Variants in VRK2 observed in about 807,000 individuals in gnomAD.
The protein encoded by VRK2 is VRK serine/threonine kinase 2.
Under a neutral mutation model 57.6 loss-of-function variants are expected in VRK2, and 60 were observed. The observed-to-expected ratio is 1.04, with a 90% CI of 0.85 to 1.29. VRK2 has a LOEUF of 1.29. Among genes scored for constraint, VRK2 ranks in the 50% most tolerant of loss-of-function variants. The pLI is 0.00. For synonymous variants in VRK2, 231 were observed against 199.2 expected (o/e 1.16, Z -1.35); for missense variants, 705 against 588.1 (o/e 1.20, Z -2.06).
intron 3 of VRK2, among the ~76,000 whole-genome samples, chr2:58,038,583 A>G (rs1674347548): frequency 6.6e-6 from 1 of 152,052 alleles, no homozygotes; most frequent in Admixed American, 6.6e-5. Context: ...AACTTACTAA[A>G]CAAGCCTTAT....
chr2:58,107,409 G>A (rs187106650), intron 7 of VRK2, among the ~76,000 whole-genome samples: 2 of 151,740 alleles, frequency 1.3e-5, no homozygotes, highest in African/African-American at 2.4e-5. Flanking sequence ...CTCTCTTTAC[G>A]CATGATATTT....
intron 2 of VRK2, among the ~76,000 whole-genome samples, chr2:58,070,529 G>A (rs10205421): frequency 0.71 from 108,207 of 152,028 alleles, 39,312 homozygotes; most frequent in African/African-American, 0.87. Context: ...TACTGTTTCT[G>A]TAGTTTTGCC....
rs936794733 is a variant in VRK2, at chr2:58,062,191, A to G, written c.136+13224A>G. Among the ~76,000 whole-genome samples the G allele has an allele frequency of 5.9e-5, 9 of 152,104 alleles. No homozygotes were observed. The East Asian group carries it at 1.5e-3, about 26-fold the overall frequency. On this transcript the variant is annotated intron_variant, in intron 2 of 12. Transcript: ENST00000340157. ...ATCAGTGATCTTTCTTGTGACTATC[A>G]TAATTGCTTTGAGGAATCATGAACT...
intron 2 of VRK2, among the ~76,000 whole-genome samples, chr2:58,032,144 T>C (rs1028843595): frequency 2.6e-5 from 4 of 152,090 alleles, no homozygotes; most frequent in Admixed American, 1.3e-4. Flanking sequence ...ATAGGAGTTG[T>C]TGTGGTTATG....
chr2:57,979,416 T>C (rs978831822), intron 1 of VRK2, among the ~76,000 whole-genome samples: 1 of 151,190 alleles, frequency 6.6e-6, no homozygotes, highest in Non-Finnish European at 1.5e-5. Flanking sequence ...ATTAGCTTTT[T>C]AATGTGTGCT....
In VRK2 at chr2:58,029,161, C is replaced by A. The variant is rs573609454; in HGVS notation, c.-333+3391C>A. ...CTATTTGATAAATTTCTTGAAAAGC[C>A]TAAAGAGTTCTATGAAAACTGATTA... On this transcript the variant is annotated intron_variant, in intron 2 of 15. Transcript: ENST00000417641. 1.2e-4 allele frequency among the ~76,000 whole-genome samples: 18 copies of A among 151,554 alleles called. No individual in the cohort carries two copies. The South Asian group carries it at 3.8e-3, about 32-fold the overall frequency.
intron 1 of VRK2, among the ~76,000 whole-genome samples, chr2:58,001,779 G>A (rs548737247): frequency 6.6e-6 from 1 of 152,064 alleles, no homozygotes; most frequent in Non-Finnish European, 1.5e-5. Flanking sequence ...CCGAGATCGC[G>A]CCACTGCACT....
chr2:57,914,821 T>C (rs1012204990), intron 1 of VRK2, among the ~76,000 whole-genome samples: 1 of 152,180 alleles, frequency 6.6e-6, no homozygotes, highest in Non-Finnish European at 1.5e-5. Context: ...TCATCCTTTA[T>C]GAATTTCATA....
intron 1 of VRK2, among the ~76,000 whole-genome samples, chr2:57,958,464 T>A (rs1284247251): frequency 0.015 from 2,225 of 151,574 alleles, 84 homozygotes; most frequent in African/African-American, 0.052. Flanking sequence ...TATATACATG[T>A]ATATATACAC....
At chr2:57,927,244 T>C (rs1360079251) in intron 1 of VRK2, among the ~76,000 whole-genome samples, 2 of 151,880 alleles carry the variant, frequency 1.3e-5, no homozygotes, top group Non-Finnish European at 2.9e-5. Context: ...GAAAAGTTGT[T>C]GTAGCTATTA....
chr2:58,007,424 G>A (rs530961420), intron 1 of VRK2, among the ~76,000 whole-genome samples: 1 of 151,660 alleles, frequency 6.6e-6, no homozygotes, highest in Admixed American at 6.6e-5. Flanking sequence ...TCCAGCCCGA[G>A]ACAGCAAGAA....
chr2:58,153,912 TTTCTG>T (rs1373661743), intron 12 of VRK2, among the ~76,000 whole-genome samples: 1 of 152,124 alleles, frequency 6.6e-6, no homozygotes, highest in Non-Finnish European at 1.5e-5. Context: ...TAGGCAAACT[TTTCTG>T]TAAAGAGCCA....
intron 8 of VRK2, 24 bp from the exon 9 acceptor site, chr2:58,131,784 T>C (rs1159912781): frequency 1.3e-6 from 2 of 1,566,096 alleles, no homozygotes; most frequent in East Asian, 4.5e-5. Flanking sequence ...CCCTTATCTT[T>C]CTCTCTAATG....
In VRK2 at chr2:58,008,962, A is replaced by G. The variant is rs565509023; in HGVS notation, c.-438-16703A>G. On this transcript the variant is annotated intron_variant, in intron 1 of 15. Coordinates refer to the VRK2 transcript ENST00000417641. ...TTGTTGCTGCATCCCACAGAGAAGG[A>G]GGAATGTGGTATACTCACAGGGAGA... Among the ~76,000 whole-genome samples, 13 of 152,124 alleles carry G rather than the reference A, an allele frequency of 8.5e-5. No individual in the cohort carries two copies. The South Asian group carries it at 2.5e-3, about 29-fold the overall frequency.
intron 8 of VRK2, among the ~76,000 whole-genome samples, chr2:58,128,205 C>T (rs771846391): frequency 6.6e-6 from 1 of 152,190 alleles, no homozygotes; most frequent in Non-Finnish European, 1.5e-5. Flanking sequence ...GCCAAAACAA[C>T]TATTTTTGTG....
At chr2:58,142,860 T>G (rs1323695176) in intron 11 of VRK2, among the ~76,000 whole-genome samples, 1 of 151,902 alleles carries the variant, frequency 6.6e-6, no homozygotes, top group Non-Finnish European at 1.5e-5. Context: ...GAATCATATA[T>G]ACAATATACA....
chr2:58,051,491 T>C (rs1031652993), intron 2 of VRK2, among the ~76,000 whole-genome samples: 11 of 152,234 alleles, frequency 7.2e-5, no homozygotes, highest in African/African-American at 2.7e-4. Flanking sequence ...AATTACATCA[T>C]GTTTTTGCAT....
intron 7 of VRK2, among the ~76,000 whole-genome samples, chr2:58,094,314 A>G (rs1573061547): frequency 6.6e-6 from 1 of 152,138 alleles, no homozygotes; most frequent in Non-Finnish European, 1.5e-5. Flanking sequence ...ATGTTCTTCC[A>G]TTTGTTTGTG....
At chr2:57,913,246 A>C (rs1473609882) in intron 1 of VRK2, among the ~76,000 whole-genome samples, 1 of 152,148 alleles carries the variant, frequency 6.6e-6, no homozygotes, top group Non-Finnish European at 1.5e-5. Flanking sequence ...GTTATTTTAC[A>C]TTACGCAAGT....
Sources: allele counts gnomAD v4.1 joint callset (sites outside exome capture counted in the v4.1 genomes callset), GRCh38; gene constraint gnomAD v4.1.1; transcripts MANE v1.5; gene names NCBI Gene and HGNC (gene_info 2026-07-23, HGNC 2026-07-21).